SIK3: variants seen among roughly 807,000 people sequenced by gnomAD.
SIK3 encodes SIK family kinase 3, also known as serine/threonine-protein kinase SIK3.
Under a neutral mutation model 144.2 loss-of-function variants are expected in SIK3, and 28 were observed. The observed-to-expected ratio is 0.19, with a 90% CI of 0.14 to 0.27. The LOEUF is 0.27. Ranked by LOEUF, SIK3 falls within the 10% of genes least tolerant of loss-of-function variation. The pLI is 1.00. For synonymous variants in SIK3, 686 were observed against 676.3 expected, an observed-to-expected ratio of 1.01 and a Z score of -0.22; for missense variants, 1,319 against 1,776.0, an observed-to-expected ratio of 0.74 and a Z score of 4.62.
rs960341115 is a variant in SIK3, at chr11:116,859,326, G to C, written c.2704C>G (p.Leu902Val). The stretch of plus-strand genomic sequence containing the variant: ...GACAAGGGACGGTGCCCATAGCTGA[G>C]GGTGGCCATCAGGTTGGTACGGTGC... ...MQHRTNLMAT[L>V]SYGHRPLSKQ... Residue 902 changes from leucine (L) to valine (V), a missense_variant, in exon 20 of 25, where the codon CTC becomes GTC. Leu to Val is a conservative substitution (Grantham distance 32). Coordinates refer to ENST00000445177, the MANE Select transcript of SIK3 (RefSeq NM_001366686.3). 1.2e-6 allele frequency: 2 copies of C among 1,613,962 alleles called. No individual in the cohort carries two copies. The highest frequency in any genetic ancestry group is 1.7e-6 in the Non-Finnish European group (2 of 1,179,930).
intron 22 of SIK3, among the ~76,000 whole-genome samples, chr11:116,848,641 T>C (rs1212769709): frequency 1.3e-5 from 2 of 152,348 alleles, no homozygotes; most frequent in Non-Finnish European, 2.9e-5. Context: ...ATGGCAACTA[T>C]TTCTGATTCT....
chr11:117,013,132 T>C (rs1414402390), intron 1 of SIK3, among the ~76,000 whole-genome samples: 1 of 152,178 alleles, frequency 6.6e-6, no homozygotes, highest in Non-Finnish European at 1.5e-5. Context: ...TGTTATTTAA[T>C]ACCTTCCCCC....
At chr11:117,095,192 TAAAAAAAAAAAAA>T (rs3057848) in intron 1 of SIK3, among the ~76,000 whole-genome samples, 1 of 122,176 alleles carries the variant, frequency 8.2e-6, no homozygotes, top group Non-Finnish European at 1.7e-5. Flanking sequence ...CATGTGTGTT[TAAAAAAAAAAAAA>T]AAAAAAAAAA....
intron 4 of SIK3, among the ~76,000 whole-genome samples, chr11:116,911,482 G>A (rs1946342671): frequency 6.6e-6 from 1 of 152,020 alleles, no homozygotes; most frequent in African/African-American, 2.4e-5. Flanking sequence ...ACTCCAGCCT[G>A]GGCAAGACAG....
At chr11:116,860,647 G>A (rs910242333) in intron 19 of SIK3, among the ~76,000 whole-genome samples, 8 of 152,218 alleles carry the variant, frequency 5.3e-5, no homozygotes, top group Non-Finnish European at 1.5e-5. Flanking sequence ...TTTTGTGCCA[G>A]AGACTGTTCC....
intron 4 of SIK3, among the ~76,000 whole-genome samples, chr11:116,909,368 G>C (rs1451447174): frequency 6.6e-6 from 1 of 151,456 alleles, no homozygotes; most frequent in Non-Finnish European, 1.5e-5. Context: ...TAACACAAAA[G>C]TACAAAAAAA....
At position 116,983,267 on chromosome 11, in the gene SIK3, C is replaced by T. The variant is rs556174170; in HGVS notation, c.274-26203G>A. Among the ~76,000 whole-genome samples, 5 of 147,146 alleles carry T rather than the reference C, an allele frequency of 3.4e-5. No homozygotes were observed. In the South Asian group the frequency reaches 1.1e-3, roughly 32 times the overall value. On this transcript the variant is annotated intron_variant, in intron 1 of 24. Transcript: ENST00000445177. ...AATTGATCGGCCAGGCATGGTAGCT[C>T]ACACCTGTAATCCCAGCACTTTGGA...
Position 116,849,419 on chromosome 11 carries a change from C to T in SIK3, c.3656-136G>A, listed in dbSNP as rs775855300. On this transcript the variant is annotated intron_variant, in intron 21 of 24. Transcript: ENST00000445177. This position sits in a 1 kb window ranked among gnomAD's most constrained non-coding sequence, Gnocchi z 4.2. ...TGTACACCAACCGCTGATCCTCAGC[C>T]GGCGTCATGGCTTAGAGGAGCCTGG... 3.8e-5 allele frequency: 42 copies of T among 1,092,166 alleles called. 1 individual carries two copies. The highest frequency in any genetic ancestry group is 1.3e-4 in the East Asian group (5 of 37,880). The allele number at this position is 1,092,166 out of a possible 1,614,324, so 67.7% of individuals were successfully genotyped here.
intron 3 of SIK3, among the ~76,000 whole-genome samples, chr11:116,937,196 T>C (rs1947964317): frequency 6.6e-6 from 1 of 152,216 alleles, no homozygotes; most frequent in Admixed American, 6.5e-5. Flanking sequence ...ATGTAGAGTG[T>C]GTTTCTGTTT....
intron 1 of SIK3, among the ~76,000 whole-genome samples, chr11:117,097,253 G>A (rs1164704364): frequency 1.3e-5 from 2 of 152,120 alleles, no homozygotes; most frequent in Admixed American, 6.5e-5. Context: ...CTCGATGAGT[G>A]TAATCTCCCG....
chr11:117,034,682 C>A (rs193031722), intron 1 of SIK3, among the ~76,000 whole-genome samples: 1 of 152,280 alleles, frequency 6.6e-6, no homozygotes, highest in Admixed American at 6.5e-5. Context: ...AAGATGCCAG[C>A]ACGATTCCAA....
chr11:116,848,457 C>T (rs1185306043), intron 22 of SIK3, among the ~76,000 whole-genome samples: 1 of 152,148 alleles, frequency 6.6e-6, no homozygotes, highest in African/African-American at 2.4e-5. Context: ...ATGTGGCTAG[C>T]TACTAGACTA....
chr11:117,014,670 C>G lies in SIK3; in HGVS notation c.274-57606G>C, dbSNP rs1951445941. 3.9e-5 allele frequency among the ~76,000 whole-genome samples: 6 copies of G among 152,182 alleles called. No individual in the cohort carries two copies. The South Asian group carries it at 1.2e-3, about 32-fold the overall frequency. ...TTAACAAATAAGATTTGTATATATTCAAGGCATACACCATGATGTTTTGAT... is the reference window on the plus strand; with the variant it reads ...TTAACAAATAAGATTTGTATATATTGAAGGCATACACCATGATGTTTTGAT... On this transcript the variant is annotated intron_variant, in intron 1 of 24. Transcript: ENST00000445177.
intron 13 of SIK3, among the ~76,000 whole-genome samples, chr11:116,872,540 AACTGTTTTGTT>A (rs1944022312): frequency 6.6e-6 from 1 of 152,234 alleles, no homozygotes. Context: ...CATGCCCACA[AACTGTTTTGTT>A]ACCAATTCAT....
intron 4 of SIK3, among the ~76,000 whole-genome samples, chr11:116,900,567 CTA>C (rs1158231136): frequency 3.3e-5 from 5 of 152,170 alleles, no homozygotes; most frequent in South Asian, 2.1e-4. Flanking sequence ...CAGCTCCATC[CTA>C]TGTTTCCAAT....
intron 4 of SIK3, among the ~76,000 whole-genome samples, chr11:116,912,051 G>A (rs189849756): frequency 9.7e-4 from 148 of 152,300 alleles, no homozygotes; most frequent in Middle Eastern, 3.4e-3. Flanking sequence ...TTCTCCACTC[G>A]CAAGTGGCTC....
Position 116,870,393 on chromosome 11 carries a change from T to C in SIK3, c.1746A>G (p.Pro582=). ...SPLVTMTPAV[P]AVTPVDEESS... Reference sequence around the variant, plus strand: ...TCTCCTCGTCCACAGGGGTAACTGCTGGCACTGCCTGAAGAGAGACAGGAA... The same window carrying C: ...TCTCCTCGTCCACAGGGGTAACTGCCGGCACTGCCTGAAGAGAGACAGGAA... Residue 582 remains proline, a synonymous_variant, in exon 14 of 25, where the codon CCA becomes CCG. Transcript: ENST00000445177. 1 of 1,612,400 alleles carries C rather than the reference T, an allele frequency of 6.2e-7. No homozygotes were observed. The highest frequency in any genetic ancestry group is 8.5e-7 in the Non-Finnish European group (1 of 1,180,020).
chr11:117,054,220 T>G (rs1438356759), intron 1 of SIK3, among the ~76,000 whole-genome samples: 1 of 152,204 alleles, frequency 6.6e-6, no homozygotes, highest in Non-Finnish European at 1.5e-5. Flanking sequence ...GGTGGAAGGC[T>G]GAGTGCTTAT....
intron 1 of SIK3, among the ~76,000 whole-genome samples, chr11:117,046,916 A>C (rs1242836852): frequency 6.6e-6 from 1 of 152,008 alleles, no homozygotes; most frequent in Non-Finnish European, 1.5e-5. Flanking sequence ...CTACTGTATC[A>C]CTAATTCCAA....
Sources: allele counts gnomAD v4.1 joint callset (sites outside exome capture counted in the v4.1 genomes callset), GRCh38; gene constraint gnomAD v4.1.1; non-coding constraint Gnocchi (gnomAD v3.1); transcripts MANE v1.5; gene names NCBI Gene and HGNC (gene_info 2026-07-23, HGNC 2026-07-21).